The following RHEB variants were observed in gnomAD, a reference collection of about 807,000 sequenced individuals.
The protein encoded by RHEB is Ras homolog, mTORC1 binding.
RHEB carries 2 observed loss-of-function variants against 28.8 expected under a neutral mutation model. The observed-to-expected ratio is 0.07, with a 90% CI of 0.03 to 0.22. RHEB has a LOEUF of 0.22. Among genes scored for constraint, RHEB ranks in the 10% least tolerant of loss-of-function variants. RHEB has a pLI of 1.00. For missense variants in RHEB, 76 were observed against 219.9 expected (o/e 0.35, Z 4.14); for synonymous variants, 69 against 77.3 (o/e 0.89, Z 0.56).
intron 1 of RHEB, among the ~76,000 whole-genome samples, chr7:151,501,458 C>A (rs1451547115): frequency 6.6e-6 from 1 of 152,152 alleles, no homozygotes; most frequent in Non-Finnish European, 1.5e-5. Flanking sequence ...CCAGTGCTTG[C>A]TAGGACGTGG....
At chr7:151,510,305 T>G (rs1802959353) in intron 1 of RHEB, among the ~76,000 whole-genome samples, 1 of 152,214 alleles carries the variant, frequency 6.6e-6, no homozygotes, top group Non-Finnish European at 1.5e-5. Flanking sequence ...AGTAGCTGAT[T>G]AAAGACTGCC....
chr7:151,477,874 T>C lies in RHEB; in HGVS notation c.193-459A>G, dbSNP rs548782375. Among the ~76,000 whole-genome samples the C allele has an allele frequency of 7.9e-5, 12 of 152,150 alleles. No individual in the cohort carries two copies. In the South Asian group the frequency reaches 1.0e-3, roughly 13 times the overall value. ...TCAGTCACAATGACCTGAGCTTCAG[T>C]CTACAGGTTGCTAGAGGGGTGCCAT... On this transcript the variant is annotated intron_variant, in intron 3 of 7. Coordinates refer to ENST00000262187, the MANE Select transcript of RHEB (RefSeq NM_005614.4).
intron 1 of RHEB, among the ~76,000 whole-genome samples, chr7:151,507,570 C>T (rs146464415): frequency 8.5e-5 from 13 of 152,204 alleles, no homozygotes; most frequent in Non-Finnish European, 1.6e-4. Context: ...TTAGAGTTTA[C>T]GGAACATTCT....
intron 1 of RHEB, chr7:151,502,713 A>C (rs1344074708): frequency 1.9e-6 from 3 of 1,604,960 alleles, no homozygotes; most frequent in Admixed American, 3.3e-5. Context: ...TGGATCTCCC[A>C]AAGAAACACA....
chr7:151,474,702 A>G (rs1802242803), intron 4 of RHEB, among the ~76,000 whole-genome samples: 1 of 152,166 alleles, frequency 6.6e-6, no homozygotes, highest in Non-Finnish European at 1.5e-5. Context: ...CGCTTTATTT[A>G]CTCAGAAAGA....
intron 1 of RHEB, among the ~76,000 whole-genome samples, chr7:151,493,074 C>T (rs1802613119): frequency 6.6e-6 from 1 of 152,084 alleles, no homozygotes; most frequent in South Asian, 2.1e-4. Flanking sequence ...AACTCCTGAC[C>T]TCATGATCCA....
intron 2 of RHEB, among the ~76,000 whole-genome samples, chr7:151,490,475 C>T (rs1446906912): frequency 2.0e-5 from 3 of 152,150 alleles, no homozygotes; most frequent in African/African-American, 7.2e-5. Context: ...TATCCAATCC[C>T]AGAATAGTTC....
intron 1 of RHEB, chr7:151,502,578 T>G: frequency 8.1e-7 from 1 of 1,230,424 alleles, no homozygotes; most frequent in East Asian, 2.3e-5. Flanking sequence ...ACAAATTCCA[T>G]AAAGGGGCTC....
At chr7:151,517,118 C>T (rs1803094669) in intron 1 of RHEB, among the ~76,000 whole-genome samples, 1 of 152,170 alleles carries the variant, frequency 6.6e-6, no homozygotes, top group African/African-American at 2.4e-5. Context: ...AATCCCAGCA[C>T]TTTGGGAGGC....
At chr7:151,476,100 C>G (rs1802266905) in intron 4 of RHEB, among the ~76,000 whole-genome samples, 1 of 152,148 alleles carries the variant, frequency 6.6e-6, no homozygotes, top group Admixed American at 6.5e-5. Context: ...CGGGGATTGA[C>G]AGTATGGGGT....
chr7:151,490,857 GCA>G, intron 2 of RHEB, 84 bp downstream of exon 2: 1 of 980,416 alleles, frequency 1.0e-6, no homozygotes, highest in Non-Finnish European at 1.7e-6. Flanking sequence ...TTTACCTCCT[GCA>G]CTCAAAGCCT....
At chr7:151,493,081 T>C (rs1285162232) in intron 1 of RHEB, among the ~76,000 whole-genome samples, 2 of 152,072 alleles carry the variant, frequency 1.3e-5, no homozygotes, top group Non-Finnish European at 2.9e-5. Flanking sequence ...GACCTCATGA[T>C]CCACCCGCCT....
intron 1 of RHEB, chr7:151,503,401 G>A: frequency 8.7e-7 from 1 of 1,155,664 alleles, no homozygotes; most frequent in South Asian, 1.2e-5. Flanking sequence ...GCAGTACCGA[G>A]TAGATTTCCA....
chr7:151,494,114 C>T (rs1802633362), intron 1 of RHEB, among the ~76,000 whole-genome samples: 1 of 152,134 alleles, frequency 6.6e-6, no homozygotes, highest in South Asian at 2.1e-4. Flanking sequence ...CATTTTCTCC[C>T]TAAAGATATG....
In RHEB at chr7:151,468,953, T is replaced by C. The variant is rs116094598; in HGVS notation, c.462+1618A>G. On this transcript the variant is annotated intron_variant, in intron 7 of 7. Coordinates refer to ENST00000262187, the MANE Select transcript of RHEB (RefSeq NM_005614.4). This position sits in a 1 kb window ranked among gnomAD's most constrained non-coding sequence, Gnocchi z 4.3. ...AAAGTCATTTAACTTCTCTGAAACT[T>C]AATTTCCTCACTTCTAAAATGAGGC... Among the ~76,000 whole-genome samples the C allele has an allele frequency of 7.8e-4, 119 of 152,380 alleles. No homozygotes were observed. Among genetic ancestry groups the C allele is most frequent in the African/African-American group, 2.8e-3 (117 of 41,596 alleles).
At chr7:151,516,640 AAAAAG>A (rs1441716006) in intron 1 of RHEB, among the ~76,000 whole-genome samples, 4 of 151,748 alleles carry the variant, frequency 2.6e-5, no homozygotes, top group African/African-American at 9.7e-5. Flanking sequence ...AAAAAAAAAA[AAAAAG>A]AAAGCCAACT....
At chr7:151,514,029 T>C (rs1490959809) in intron 1 of RHEB, among the ~76,000 whole-genome samples, 1 of 152,122 alleles carries the variant, frequency 6.6e-6, no homozygotes, top group African/African-American at 2.4e-5. Context: ...GTAATCAAGA[T>C]CGTATGGTAC....
chr7:151,493,668 A>G (rs1802625955), intron 1 of RHEB, among the ~76,000 whole-genome samples: 1 of 152,252 alleles, frequency 6.6e-6, no homozygotes, highest in African/African-American at 2.4e-5. Flanking sequence ...AAACAATTCA[A>G]TTAGTATTTA....
chr7:151,509,954 T>A (rs1171918088), intron 1 of RHEB, among the ~76,000 whole-genome samples: 1 of 152,232 alleles, frequency 6.6e-6, no homozygotes, highest in Non-Finnish European at 1.5e-5. Context: ...ATATTTACTA[T>A]CTGGCCTTTT....
Sources: allele counts gnomAD v4.1 joint callset (sites outside exome capture counted in the v4.1 genomes callset), GRCh38; gene constraint gnomAD v4.1.1; non-coding constraint Gnocchi (gnomAD v3.1); transcripts MANE v1.5; gene names NCBI Gene and HGNC (gene_info 2026-07-23, HGNC 2026-07-21).